TBC1D5: variants seen among roughly 807,000 people sequenced by gnomAD.
The protein encoded by TBC1D5 is TBC1 domain family member 5, also known as TBC1 domain family, member 5.
A neutral mutation model predicts 100.3 loss-of-function variants in TBC1D5; 75 were observed. The ratio of observed to expected loss-of-function variants is 0.75; its 90% CI spans 0.62 to 0.91. The LOEUF (loss-of-function observed/expected upper bound fraction) is 0.91. TBC1D5 is among the 40% of genes least tolerant of loss of function. TBC1D5 has a pLI of 0.00. For synonymous variants in TBC1D5, 323 were observed against 325.6 expected, an observed-to-expected ratio of 0.99 and a Z score of 0.09; for missense variants, 910 against 942.4, an observed-to-expected ratio of 0.97 and a Z score of 0.45.
chr3:17,444,564 C>T (rs908594684), intron 3 of TBC1D5, among the ~76,000 whole-genome samples: 1 of 151,958 alleles, frequency 6.6e-6, no homozygotes, highest in Non-Finnish European at 1.5e-5. Flanking sequence ...ATGATAAATA[C>T]CTTTGTGCAC....
chr3:17,282,357 A>T (rs1414000435), intron 15 of TBC1D5, among the ~76,000 whole-genome samples: 2 of 152,222 alleles, frequency 1.3e-5, no homozygotes, highest in African/African-American at 4.8e-5. Context: ...TTAAAGTGTT[A>T]AGTAGTCTAT....
At chr3:17,255,358 TC>T (rs1456395703) in intron 16 of TBC1D5, among the ~76,000 whole-genome samples, 3 of 151,960 alleles carry the variant, frequency 2.0e-5, no homozygotes, top group Admixed American at 6.6e-5. Context: ...GTGCCACCAC[TC>T]CCGTCTAATT....
At chr3:17,218,940 C>T (rs549889907) in intron 17 of TBC1D5, among the ~76,000 whole-genome samples, 5 of 151,806 alleles carry the variant, frequency 3.3e-5, no homozygotes, top group Non-Finnish European at 7.4e-5. Flanking sequence ...TGTACTAATG[C>T]TTTTCATAAA....
chr3:17,540,905 C>CAAAAAAAAA (rs71634807), intron 2 of TBC1D5, among the ~76,000 whole-genome samples: 1 of 31,444 alleles, frequency 3.2e-5, no homozygotes, highest in African/African-American at 1.8e-4. Context: ...GGCTCCATCT[C>CAAAAAAAAA]AAAAAAAAAA....
At chr3:17,497,135 CA>C (rs58475382) in intron 3 of TBC1D5, among the ~76,000 whole-genome samples, 2,203 of 130,016 alleles carry the variant, frequency 0.017, 57 homozygotes, top group African/African-American at 0.065. Flanking sequence ...CACACACACA[CA>C]CCATCCTTGT....
intron 16 of TBC1D5, among the ~76,000 whole-genome samples, chr3:17,240,564 G>C (rs1486062060): frequency 6.6e-6 from 1 of 152,052 alleles, no homozygotes; most frequent in Non-Finnish European, 1.5e-5. Flanking sequence ...TGAGAAAAAA[G>C]AATGAATGAA....
At chr3:17,357,144 G>A (rs939025553) in intron 13 of TBC1D5, among the ~76,000 whole-genome samples, 5 of 152,088 alleles carry the variant, frequency 3.3e-5, no homozygotes, top group Non-Finnish European at 5.9e-5. Context: ...TCAGAGGTGC[G>A]GATGCAGTAA....
At position 17,618,288 on chromosome 3, in the gene TBC1D5, C is replaced by T. The variant is rs1049696462; in HGVS notation, c.-36+5561G>A. Among the ~76,000 whole-genome samples, 5 of 152,162 alleles carry T rather than the reference C, an allele frequency of 3.3e-5. 1 individual carries two copies. The highest frequency in any genetic ancestry group is 4.1e-4 in the South Asian group (2 of 4,828). ...CTCTGGAAGCTTCATCCCAGAGGGG[C>T]ACCCGCCTGTATGAGGTGTCTGTCG... On this transcript the variant is annotated intron_variant, in intron 2 of 21. Coordinates refer to ENST00000253692, the Ensembl canonical transcript of TBC1D5.
chr3:17,710,404 A>G (rs1021873157), intron 1 of TBC1D5, among the ~76,000 whole-genome samples: 1 of 151,974 alleles, frequency 6.6e-6, no homozygotes. Context: ...ATGTCTACTA[A>G]AAATACAAAA....
intron 13 of TBC1D5, among the ~76,000 whole-genome samples, chr3:17,336,391 G>A (rs1283434812): frequency 6.6e-6 from 1 of 151,904 alleles, no homozygotes; most frequent in Non-Finnish European, 1.5e-5. Context: ...CAACTAAACG[G>A]TATCTTACAT....
At chr3:17,319,544 C>T (rs755234080) in intron 13 of TBC1D5, among the ~76,000 whole-genome samples, 11 of 151,844 alleles carry the variant, frequency 7.2e-5, no homozygotes, top group Non-Finnish European at 1.6e-4. Flanking sequence ...AACAGCAAAC[C>T]TACCTTCCCA....
At chr3:17,595,201 G>A (rs1260682130) in intron 2 of TBC1D5, among the ~76,000 whole-genome samples, 1 of 152,040 alleles carries the variant, frequency 6.6e-6, no homozygotes, top group Non-Finnish European at 1.5e-5. Context: ...GGGACCTTGT[G>A]ATCATTTCAG....
At chr3:17,691,875 T>G (rs1175284429) in intron 1 of TBC1D5, among the ~76,000 whole-genome samples, 1 of 150,856 alleles carries the variant, frequency 6.6e-6, no homozygotes, top group African/African-American at 2.4e-5. Context: ...AACCCAAGCC[T>G]TAATCAATCC....
chr3:17,494,437 G>A (rs1345693052), intron 3 of TBC1D5, among the ~76,000 whole-genome samples: 2 of 152,216 alleles, frequency 1.3e-5, no homozygotes, highest in South Asian at 2.1e-4. Context: ...CTGCCCCTTG[G>A]TGGAGTGGGT....
chr3:17,612,246 G>T (rs1202402389), intron 2 of TBC1D5, among the ~76,000 whole-genome samples: 2 of 149,742 alleles, frequency 1.3e-5, no homozygotes, highest in Non-Finnish European at 3.0e-5. Context: ...GCTACAGTAT[G>T]CCATGATTGT....
intron 17 of TBC1D5, among the ~76,000 whole-genome samples, chr3:17,223,335 G>A (rs573344898): frequency 1.3e-4 from 20 of 151,786 alleles, no homozygotes; most frequent in Admixed American, 8.5e-4. Flanking sequence ...TATTCCCCCC[G>A]CAAAAAAGTC....
intron 1 of TBC1D5, among the ~76,000 whole-genome samples, chr3:17,708,936 A>G (rs771445062): frequency 2.6e-5 from 4 of 152,204 alleles, no homozygotes; most frequent in Non-Finnish European, 4.4e-5. Context: ...ACAGGTACAT[A>G]TGCACCACTT....
At chr3:17,529,233 C>T (rs1312743706) in intron 2 of TBC1D5, among the ~76,000 whole-genome samples, 4 of 152,218 alleles carry the variant, frequency 2.6e-5, no homozygotes, top group African/African-American at 9.7e-5. Context: ...TGTCCCTGAG[C>T]TCTCTGGGCT....
At chr3:17,658,596 G>T (rs191345397) in intron 1 of TBC1D5, among the ~76,000 whole-genome samples, 12 of 152,148 alleles carry the variant, frequency 7.9e-5, no homozygotes, top group Non-Finnish European at 1.6e-4. Context: ...ATTAAATCAC[G>T]TGGCAAGAAA....
Sources: allele counts gnomAD v4.1 joint callset (sites outside exome capture counted in the v4.1 genomes callset), GRCh38; gene constraint gnomAD v4.1.1; transcripts MANE v1.5; gene names NCBI Gene and HGNC (gene_info 2026-07-23, HGNC 2026-07-21).